RUFY3: variants seen among roughly 807,000 people sequenced by gnomAD.
RUFY3 encodes the protein RUN and FYVE domain containing 3, also known as protein RUFY3.
A neutral mutation model predicts 84.0 loss-of-function variants in RUFY3; 34 were observed. The ratio of observed to expected loss-of-function variants is 0.40; its 90% CI spans 0.31 to 0.54. The LOEUF is 0.54. RUFY3 is among the 20% of genes least tolerant of loss of function. The probability of loss-of-function intolerance (pLI) is 0.39; values close to 1 mark genes in which losing one functional copy is unlikely to be tolerated. For synonymous variants in RUFY3, 242 were observed against 252.9 expected (o/e 0.96, Z 0.41); for missense variants, 507 against 736.8 (o/e 0.69, Z 3.61).
chr4:70,706,490 C>T (rs1305189899), intron 1 of RUFY3, among the ~76,000 whole-genome samples: 1 of 152,124 alleles, frequency 6.6e-6, no homozygotes, highest in Non-Finnish European at 1.5e-5. Context: ...TTTTCAGATG[C>T]GGAAGCTCGA....
intron 5 of RUFY3, among the ~76,000 whole-genome samples, chr4:70,773,158 GA>G (rs1419579744): frequency 6.6e-6 from 1 of 152,078 alleles, no homozygotes; most frequent in Non-Finnish European, 1.5e-5. Flanking sequence ...TTCTACAGGG[GA>G]AATGTGCTAA....
intron 1 of RUFY3, among the ~76,000 whole-genome samples, chr4:70,741,462 G>A (rs1721302601): frequency 1.3e-5 from 2 of 152,128 alleles, no homozygotes; most frequent in African/African-American, 4.8e-5. Flanking sequence ...TTATTTGGTT[G>A]TACTCCCAGC....
At chr4:70,798,664 C>G (rs1005363047) in intron 14 of RUFY3, among the ~76,000 whole-genome samples, 2 of 152,064 alleles carry the variant, frequency 1.3e-5, no homozygotes, top group Admixed American at 6.6e-5. Context: ...CACCTATAAT[C>G]CCAGCTACTC....
upstream of RUFY3, chr4:70,704,374 G>A (rs1447557170): frequency 6.6e-6 from 1 of 152,294 alleles, no homozygotes; most frequent in Non-Finnish European, 1.5e-5. Context: ...CGGGGGCAGG[G>A]AGGTGCTTTT....
chr4:70,771,045 T>C (rs1043235663), intron 5 of RUFY3, among the ~76,000 whole-genome samples: 1 of 152,170 alleles, frequency 6.6e-6, no homozygotes, highest in Non-Finnish European at 1.5e-5. Flanking sequence ...CCATCTTATA[T>C]GGGCGTAGTT....
At chr4:70,786,406 T>A (rs968505519) in intron 10 of RUFY3, among the ~76,000 whole-genome samples, 10 of 152,054 alleles carry the variant, frequency 6.6e-5, no homozygotes, top group Non-Finnish European at 1.0e-4. Context: ...TCTTTTTTTT[T>A]ATTGATGCAT....
intron 14 of RUFY3, 115 bp from the exon 15 acceptor site, chr4:70,800,026 T>TA (rs907182916): frequency 2.3e-5 from 20 of 870,640 alleles, no homozygotes; most frequent in African/African-American, 5.3e-5. Context: ...CCTTCCCTAA[T>TA]AAAAAAAGCT....
upstream of RUFY3, among the ~76,000 whole-genome samples, chr4:70,721,459 T>G (rs886167813): frequency 1.3e-5 from 2 of 152,070 alleles, no homozygotes; most frequent in African/African-American, 4.8e-5. Context: ...AAAGGTCAGG[T>G]TTTTGTACCT....
intron 1 of RUFY3, among the ~76,000 whole-genome samples, chr4:70,759,354 AT>A (rs201582656): frequency 0.02 from 2,438 of 124,398 alleles, 53 homozygotes; most frequent in South Asian, 0.075. Context: ...TTATGGCTGA[AT>A]TTGTGTGTGT....
At chr4:70,705,556 C>T (rs1740206582) in intron 1 of RUFY3, among the ~76,000 whole-genome samples, 1 of 152,178 alleles carries the variant, frequency 6.6e-6, no homozygotes, top group Admixed American at 6.5e-5. Context: ...TGGTCTCTCT[C>T]CCGTCTTGGG....
upstream of RUFY3, among the ~76,000 whole-genome samples, chr4:70,717,840 T>C (rs79213728): frequency 0.031 from 4,720 of 151,604 alleles, 116 homozygotes; most frequent in African/African-American, 0.06. Flanking sequence ...TCAATCTCTG[T>C]TTTGCAGTGC....
intron 12 of RUFY3, 38 bp downstream of exon 12, chr4:70,789,630 G>A (rs1409907057): frequency 1.2e-6 from 2 of 1,602,588 alleles, no homozygotes; most frequent in Admixed American, 3.4e-5. Context: ...ACTTTGGATT[G>A]TCAGTGCTGA....
chr4:70,755,352 A>G (rs73824885), intron 1 of RUFY3, among the ~76,000 whole-genome samples: 10,641 of 152,300 alleles, frequency 0.07, 580 homozygotes, highest in East Asian at 0.2. Flanking sequence ...CAAGAATTGC[A>G]TATAACATAC....
intron 8 of RUFY3, among the ~76,000 whole-genome samples, chr4:70,779,199 G>A (rs992448146): frequency 6.6e-6 from 1 of 152,148 alleles, no homozygotes; most frequent in African/African-American, 2.4e-5. Context: ...ACATAGATAA[G>A]GTGAAGAGTA....
At chr4:70,793,575 T>C (rs1204912492) in intron 12 of RUFY3, 1 of 1,440,920 alleles carries the variant, frequency 6.9e-7, no homozygotes. Flanking sequence ...CTCTGCCTGG[T>C]TCACCTTCAT....
chr4:70,802,897 A>T, intron 15 of RUFY3, 59 bp from the exon 16 acceptor site: 1 of 1,238,438 alleles, frequency 8.1e-7, no homozygotes, highest in Non-Finnish European at 1.2e-6. Context: ...TATTGAAATG[A>T]TATAAATGAA....
chr4:70,758,372 T>G (rs1724396154), intron 1 of RUFY3, among the ~76,000 whole-genome samples: 1 of 152,170 alleles, frequency 6.6e-6, no homozygotes, highest in African/African-American at 2.4e-5. Flanking sequence ...GGCTTATACC[T>G]TTAATCCCAG....
chr4:70,706,496 C>T (rs1391992879), intron 1 of RUFY3, among the ~76,000 whole-genome samples: 1 of 152,162 alleles, frequency 6.6e-6, no homozygotes, highest in East Asian at 1.9e-4. Flanking sequence ...GATGCGGAAG[C>T]TCGATTTATC....
At chr4:70,738,843 G>C (rs539424633) in intron 1 of RUFY3, among the ~76,000 whole-genome samples, 3 of 151,804 alleles carry the variant, frequency 2.0e-5, no homozygotes, top group African/African-American at 4.8e-5. Flanking sequence ...CATGATCATA[G>C]CTTATTGCAG....
Sources: allele counts gnomAD v4.1 joint callset (sites outside exome capture counted in the v4.1 genomes callset), GRCh38; gene constraint gnomAD v4.1.1; transcripts MANE v1.5; gene names NCBI Gene and HGNC (gene_info 2026-07-23, HGNC 2026-07-21).